The following TTLL11 variants were observed in gnomAD, a reference collection of about 807,000 sequenced individuals.
The protein encoded by TTLL11 is tubulin polyglutamylase TTLL11.
In TTLL11, 42 loss-of-function variants were observed where a neutral mutation model predicts 51.7. That is an observed-to-expected ratio of 0.81 (90% CI 0.64 to 1.05). The LOEUF (loss-of-function observed/expected upper bound fraction) is 1.05. Among genes scored for constraint, TTLL11 ranks in the 50% least tolerant of loss-of-function variants. The pLI is 0.00. For synonymous variants in TTLL11, 381 were observed against 383.5 expected (o/e 0.99, Z 0.08); for missense variants, 799 against 940.4 (o/e 0.85, Z 1.97).
At chr9:121,938,970 G>C (rs1485874466) in intron 6 of TTLL11, among the ~76,000 whole-genome samples, 1 of 152,198 alleles carries the variant, frequency 6.6e-6, no homozygotes, top group Non-Finnish European at 1.5e-5. Context: ...GCAAACCGAA[G>C]AGATAAAGTC....
chr9:121,904,223 C>T (rs1839859698), intron 6 of TTLL11, among the ~76,000 whole-genome samples: 1 of 150,802 alleles, frequency 6.6e-6, no homozygotes, highest in South Asian at 2.1e-4. Flanking sequence ...TATCGCCAGG[C>T]TGGCATGCAG....
At position 121,989,753 on chromosome 9, in the gene TTLL11, G is replaced by A. The variant is rs116747118; in HGVS notation, c.711C>T (p.Asp237=). Residue 237 remains aspartate (D), a synonymous_variant, in exon 4 of 9, where the codon GAC becomes GAT. Transcript: ENST00000321582. The surrounding 1 kb of genome is among the most constrained non-coding windows in gnomAD (Gnocchi z 4.2). ...LFVAQVQMVK[D]DDPSWKPTFI... is the part of the protein sequence containing the mutation. The stretch of plus-strand genomic sequence containing the variant: ...AAGTGGGCTTCCAGGAGGGGTCATC[G>A]TCTTTCACCATTTGAACCTGGAGGG... 1.5e-3 allele frequency: 2,339 copies of A among 1,599,504 alleles called. 26 individuals carry two copies. The African/African-American group carries it at 0.025, about 17-fold the overall frequency.
intron 4 of TTLL11, among the ~76,000 whole-genome samples, chr9:121,984,094 C>T (rs545157746): frequency 6.6e-6 from 1 of 152,048 alleles, no homozygotes; most frequent in Non-Finnish European, 1.5e-5. Context: ...CAAATTATGT[C>T]CAAGACAGCA....
At chr9:122,021,492 C>T (rs541216128) in intron 3 of TTLL11, among the ~76,000 whole-genome samples, 11 of 152,274 alleles carry the variant, frequency 7.2e-5, no homozygotes, top group African/African-American at 2.6e-4. Context: ...GGTAGCAGTG[C>T]CTGGTGTTCA....
At chr9:122,075,722 G>T (rs1175814018) in intron 1 of TTLL11, among the ~76,000 whole-genome samples, 1 of 152,190 alleles carries the variant, frequency 6.6e-6, no homozygotes, top group Non-Finnish European at 1.5e-5. Context: ...CTCAAGCAGA[G>T]TCTGAGACTC....
intron 1 of TTLL11, among the ~76,000 whole-genome samples, chr9:122,054,556 A>G (rs1845242599): frequency 6.6e-6 from 1 of 152,198 alleles, no homozygotes; most frequent in Non-Finnish European, 1.5e-5. Context: ...ATTTAGCACT[A>G]TGTTCTTTTT....
In TTLL11 at chr9:121,995,126, C is replaced by G. The variant is rs752986004; in HGVS notation, c.694-5356G>C. On this transcript the variant is annotated intron_variant, in intron 3 of 8. Coordinates refer to ENST00000321582, the MANE Select transcript of TTLL11 (RefSeq NM_001139442.2). The surrounding 1 kb of genome is among the most constrained non-coding windows in gnomAD (Gnocchi z 4.4). ...TGTGTCTGGAGCTTGGGAGAGAGAT[C>G]TGGGGTCGTCAGGCCCCCAAGGATG... 2.0e-5 allele frequency among the ~76,000 whole-genome samples: 3 copies of G among 152,138 alleles called. No individual in the cohort carries two copies. Among genetic ancestry groups the G allele is most frequent in the Non-Finnish European group, 4.4e-5 (3 of 68,014 alleles).
Position 121,966,748 on chromosome 9 carries a change from C to G in TTLL11, c.1481+7261G>C, listed in dbSNP as rs184691968. Among the ~76,000 whole-genome samples, 6 of 152,308 alleles carry G rather than the reference C, an allele frequency of 3.9e-5. No individual in the cohort carries two copies. In the East Asian group the frequency reaches 9.6e-4, roughly 24 times the overall value. On this transcript the variant is annotated intron_variant, in intron 6 of 8. Coordinates refer to ENST00000321582, the MANE Select transcript of TTLL11 (RefSeq NM_001139442.2). The stretch of plus-strand genomic sequence containing the variant: ...TGGTGTAGGAGTCAGGCCCAGGACC[C>G]AGGTTCCAGTCTATCTCTTACTAGC...
Position 121,988,831 on chromosome 9 carries a change from G to A in TTLL11, c.1269+364C>T, listed in dbSNP as rs72765951. 6.9e-3 allele frequency: 2,378 copies of A among 346,800 alleles called. 15 individuals carry two copies. The highest frequency in any genetic ancestry group is 0.01 in the Non-Finnish European group (1,926 of 192,196). The allele number at this position is 346,800 out of a possible 1,614,324, so 21.5% of individuals were successfully genotyped here. On this transcript the variant is annotated intron_variant, in intron 4 of 8. Coordinates refer to ENST00000321582, the MANE Select transcript of TTLL11 (RefSeq NM_001139442.2). ...ATAGAACCCAGGACAATGTCTGACC[G>A]CTACTAAGCATGTGGCAAAGGTTGT... is the stretch of plus-strand genomic sequence containing the variant.
chr9:121,835,646 C>T (rs1837161080), intron 8 of TTLL11, among the ~76,000 whole-genome samples: 1 of 152,196 alleles, frequency 6.6e-6, no homozygotes, highest in Non-Finnish European at 1.5e-5. Flanking sequence ...ACCAAAATAA[C>T]AAACATAATC....
intron 8 of TTLL11, among the ~76,000 whole-genome samples, chr9:121,837,772 A>G (rs904542674): frequency 6.6e-6 from 1 of 151,604 alleles, no homozygotes; most frequent in Non-Finnish European, 1.5e-5. Flanking sequence ...GAGGATGTCC[A>G]CTCCCTGTCT....
chr9:121,971,270 G>T lies in TTLL11; in HGVS notation c.1481+2739C>A, dbSNP rs1203422957. On this transcript the variant is annotated intron_variant, in intron 6 of 8. Transcript: ENST00000321582. ...CCCCGTCCGGGAGGGAGGTGGGGGG[G>T]GGGTCAGCCCCCCTGCCCGGCCAGC... Among the ~76,000 whole-genome samples, 3 of 116,198 alleles carry T rather than the reference G, an allele frequency of 2.6e-5. 1 individual carries two copies. The highest frequency in any genetic ancestry group is 9.2e-5 in the African/African-American group (3 of 32,488). The allele number at this position is 116,198 out of a possible 152,430, so 76.2% of individuals were successfully genotyped here.
intron 1 of TTLL11, among the ~76,000 whole-genome samples, chr9:122,072,700 C>T (rs1018484530): frequency 1.3e-5 from 2 of 152,118 alleles, no homozygotes; most frequent in African/African-American, 4.8e-5. Context: ...TGCCACCATG[C>T]CACAATCCAT....
intron 3 of TTLL11, among the ~76,000 whole-genome samples, chr9:122,020,712 G>A (rs1397970252): frequency 6.6e-6 from 1 of 152,212 alleles, no homozygotes; most frequent in Admixed American, 6.5e-5. Flanking sequence ...GCATGGAGGT[G>A]GACCCCACAC....
Position 121,989,505 on chromosome 9 carries a change from G to A in TTLL11, c.959C>T (p.Ser320Phe), listed in dbSNP as rs751202982. ...CTGATATGGCTCGGTACAAAACCTA[G>A]AGAGTCCGTCTTTGGCTATATAAAT... is the stretch of plus-strand genomic sequence containing the variant. Reference protein sequence around the residue: ...LEIYIAKDGLSRFCTEPYQEP... With the variant: ...LEIYIAKDGLFRFCTEPYQEP... The change falls in exon 4 of 9, where the codon TCT becomes TTT. Residue 320 changes from serine (S) to phenylalanine (F), a missense_variant. Physicochemically the swap from Ser to Phe is radical, Grantham distance 155 (BLOSUM62 -2). Around this residue, in one of 3 missense-constraint regions of TTLL11, gnomAD observed 468 missense variants for 612.8 expected, o/e 0.76. Transcript: ENST00000321582. The surrounding 1 kb of genome is among the most constrained non-coding windows in gnomAD (Gnocchi z 4.2). The A allele has an allele frequency of 1.2e-5, 20 of 1,614,180 alleles. No individual in the cohort carries two copies. In the South Asian group the frequency reaches 2.2e-4, roughly 18 times the overall value.
At chr9:121,955,470 T>C (rs1841990957) in intron 6 of TTLL11, among the ~76,000 whole-genome samples, 1 of 152,212 alleles carries the variant, frequency 6.6e-6, no homozygotes, top group African/African-American at 2.4e-5. Context: ...TCAGGTAGTA[T>C]GTGGTGCAGT....
At chr9:121,900,339 G>A (rs1261197416) in intron 6 of TTLL11, among the ~76,000 whole-genome samples, 3 of 152,218 alleles carry the variant, frequency 2.0e-5, no homozygotes, top group East Asian at 3.8e-4. Flanking sequence ...TTACTGTTGC[G>A]AAGTCAGCTG....
intron 6 of TTLL11, among the ~76,000 whole-genome samples, chr9:121,958,385 C>A (rs533713289): frequency 1.3e-5 from 2 of 152,308 alleles, no homozygotes; most frequent in Admixed American, 6.5e-5. Flanking sequence ...AGAGACTTCA[C>A]CCCCTTTCCC....
intron 1 of TTLL11, among the ~76,000 whole-genome samples, chr9:122,087,350 G>A (rs74412322): frequency 3.2e-4 from 49 of 152,054 alleles, no homozygotes; most frequent in African/African-American, 1.2e-3. Flanking sequence ...AATTTTTCAC[G>A]AGCATAAAAC....
Sources: gnomAD v4.1 joint callset for allele counts (sites outside exome capture counted in the v4.1 genomes callset) on GRCh38, gnomAD v4.1.1 for gene constraint, gnomAD v4.1.1 regional missense constraint, Gnocchi (gnomAD v3.1) non-coding constraint, MANE v1.5 for transcripts, NCBI Gene and HGNC (gene_info 2026-07-23, HGNC 2026-07-21) for gene names.